The following EHD2 variants were observed in gnomAD, a reference collection of about 807,000 sequenced individuals.
EHD2 encodes the protein EH domain containing 2.
In EHD2, 27 loss-of-function variants were observed where a neutral mutation model predicts 41.0. The ratio of observed to expected loss-of-function variants is 0.66; its 90% CI spans 0.49 to 0.91. The LOEUF is 0.91. EHD2 is among the 40% of genes least tolerant of loss of function. The pLI is 0.00. For missense variants in EHD2, 673 were observed against 773.9 expected (o/e 0.87, Z 1.55); for synonymous variants, 342 against 341.0 (o/e 1.00, Z -0.03).
At chr19:47,721,911 G>A (rs1437967560) in intron 3 of EHD2, among the ~76,000 whole-genome samples, 1 of 151,862 alleles carries the variant, frequency 6.6e-6, no homozygotes, top group Non-Finnish European at 1.5e-5. Flanking sequence ...CTTGAACCCA[G>A]GAGGTGGAGG....
intron 2 of EHD2, among the ~76,000 whole-genome samples, chr19:47,717,923 A>C (rs1191263989): frequency 1.2e-4 from 18 of 150,606 alleles, no homozygotes; most frequent in African/African-American, 4.4e-4. Flanking sequence ...AAAAAAAAAA[A>C]AAAAGGGATC....
chr19:47,725,553 G>C (rs1973741852), intron 3 of EHD2, among the ~76,000 whole-genome samples: 1 of 152,206 alleles, frequency 6.6e-6, no homozygotes, highest in Non-Finnish European at 1.5e-5. Context: ...AAAGGAAAAG[G>C]GGGATGATTG....
At position 47,741,085 on chromosome 19, in the gene EHD2, G is replaced by C; in HGVS notation, c.1285G>C (p.Glu429Gln). The change falls in exon 6 of 6, where the codon GAG becomes CAG. Residue 429 changes from glutamate to glutamine, a missense_variant. Physicochemically the swap from Glu to Gln is conservative, Grantham distance 29. Coordinates refer to ENST00000263277, the MANE Select transcript of EHD2 (RefSeq NM_014601.4). The surrounding 1 kb of genome is among the most constrained non-coding windows in gnomAD (Gnocchi z 4.5). ...MGPFVERGPD[E>Q]AMEDGEEGSD... ...CCCGTTTGTGGAGCGGGGACCTGAC[G>C]AGGCCATGGAGGACGGCGAGGAGGG... The C allele has an allele frequency of 1.2e-6, 2 of 1,609,738 alleles. No homozygotes were observed. The highest frequency in any genetic ancestry group is 1.7e-6 in the Non-Finnish European group (2 of 1,179,526).
intron 2 of EHD2, 49 bp from the exon 3 acceptor site, chr19:47,718,460 C>T (rs1416138715): frequency 6.7e-7 from 1 of 1,488,796 alleles, no homozygotes; most frequent in East Asian, 2.5e-5. Flanking sequence ...TCGTGTTTTC[C>T]CTCCTTCTGT....
Position 47,726,025 on chromosome 19 carries a change from C to T in EHD2, c.716C>T (p.Ala239Val), listed in dbSNP as rs1973747850. 1.9e-6 allele frequency: 3 copies of T among 1,598,954 alleles called. No individual in the cohort carries two copies. The highest frequency in any genetic ancestry group is 2.6e-6 in the Non-Finnish European group (3 of 1,171,882). ...CGCGTCTACGGCGCGCTCATGTGGG[C>T]GCTGGGCAAGGTGGTGGGCACGCCC... The part of the protein sequence containing the change: ...LMRVYGALMW[A>V]LGKVVGTPEV... Residue 239 changes from alanine to valine, a missense_variant, in exon 4 of 6, where the codon GCG becomes GTG. Coordinates refer to ENST00000263277, the MANE Select transcript of EHD2 (RefSeq NM_014601.4).
chr19:47,740,477 C>T (rs1375422448), intron 5 of EHD2, among the ~76,000 whole-genome samples: 4 of 151,570 alleles, frequency 2.6e-5, no homozygotes, highest in East Asian at 2.0e-4. Context: ...TGGCTGGGCG[C>T]GGTGGCTCAT....
intron 3 of EHD2, among the ~76,000 whole-genome samples, chr19:47,722,583 G>A (rs1052101318): frequency 5.8e-5 from 6 of 103,336 alleles, no homozygotes; most frequent in African/African-American, 2.1e-4. Flanking sequence ...TTTTTTTTTT[G>A]AGACGGAGTT....
chr19:47,723,829 C>T (rs1211351441), intron 3 of EHD2, among the ~76,000 whole-genome samples: 1 of 151,828 alleles, frequency 6.6e-6, no homozygotes, highest in Non-Finnish European at 1.5e-5. Flanking sequence ...AGATGCATGC[C>T]AACATGTGTG....
At chr19:47,737,052 A>G (rs1966931020) in intron 5 of EHD2, among the ~76,000 whole-genome samples, 1 of 152,036 alleles carries the variant, frequency 6.6e-6, no homozygotes, top group Non-Finnish European at 1.5e-5. Flanking sequence ...TAACACGGTG[A>G]AACCCCGTCT....
intron 3 of EHD2, among the ~76,000 whole-genome samples, chr19:47,725,056 A>T (rs1472852954): frequency 2.7e-5 from 4 of 150,602 alleles, no homozygotes; most frequent in Non-Finnish European, 5.9e-5. Context: ...GCTATCCAGC[A>T]TGAACTCTAG....
intron 5 of EHD2, among the ~76,000 whole-genome samples, chr19:47,737,198 T>C (rs1466041288): frequency 8.1e-6 from 1 of 123,750 alleles, no homozygotes; most frequent in Non-Finnish European, 1.6e-5. Flanking sequence ...GCCACTTTAC[T>C]CCGGCCTAGG....
chr19:47,727,513 T>A (rs1162081189), intron 4 of EHD2, among the ~76,000 whole-genome samples: 2 of 152,110 alleles, frequency 1.3e-5, no homozygotes, highest in East Asian at 1.9e-4. Context: ...TTAATTAATT[T>A]ATTTATAAGC....
At chr19:47,728,575 T>C (rs191695680) in intron 4 of EHD2, among the ~76,000 whole-genome samples, 4,759 of 149,538 alleles carry the variant, frequency 0.032, 95 homozygotes, top group African/African-American at 0.051. Context: ...TTCTTTCTTT[T>C]TTTTTTTTTT....
Position 47,716,758 on chromosome 19 carries a change from C to T in EHD2, c.146C>T (p.Ala49Val), listed in dbSNP as rs1568587203. 4 of 1,613,366 alleles carry T rather than the reference C, an allele frequency of 2.5e-6. No homozygotes were observed. The South Asian group carries it at 3.3e-5, about 13-fold the overall frequency. The change falls in exon 2 of 6, where the codon GCC becomes GTC. Residue 49 changes from alanine to valine, a missense_variant. Physicochemically the swap from Ala to Val is moderately conservative, Grantham distance 64. Transcript: ENST00000263277. The part of the protein sequence containing the change: ...HYRFGAFHSP[A>V]LEDADFDGKP... The stretch of plus-strand genomic sequence containing the variant: ...CGCTTTGGGGCCTTCCACTCGCCGG[C>T]CCTGGAGGACGCAGACTTCGACGGC...
rs767834059 is a variant in EHD2 at position 47,741,060 on chromosome 19, C to T, written c.1260C>T (p.Gly420=). ...QGGAFEGTHM[G]PFVERGPDEA... ...GCGCTTTTGAGGGCACCCACATGGG[C>T]CCGTTTGTGGAGCGGGGACCTGACG... Residue 420 remains glycine (G), a synonymous_variant, in exon 6 of 6, where the codon GGC becomes GGT. Coordinates refer to ENST00000263277, the MANE Select transcript of EHD2 (RefSeq NM_014601.4). This position sits in a 1 kb window ranked among gnomAD's most constrained non-coding sequence, Gnocchi z 4.5. The T allele has an allele frequency of 1.7e-5, 27 of 1,609,494 alleles. No homozygotes were observed. The highest frequency in any genetic ancestry group is 1.5e-5 in the Non-Finnish European group (18 of 1,179,526).
intron 4 of EHD2, chr19:47,731,314 A>ATATACATATATATAT (rs1160770476): frequency 2.3e-4 from 26 of 113,942 alleles, no homozygotes; most frequent in Non-Finnish European, 4.1e-4. Context: ...ATATATATAT[A>ATATACATATATATAT]ATTTTTTTTT....
intron 4 of EHD2, among the ~76,000 whole-genome samples, chr19:47,727,217 G>A (rs976773454): frequency 1.3e-5 from 2 of 152,020 alleles, no homozygotes; most frequent in African/African-American, 4.8e-5. Context: ...CGATTCTCCT[G>A]CCTCAGCCTC....
chr19:47,728,861 C>T (rs761053957), intron 4 of EHD2, among the ~76,000 whole-genome samples: 6 of 152,260 alleles, frequency 3.9e-5, no homozygotes, highest in Non-Finnish European at 5.9e-5. Context: ...TAAGCCACCA[C>T]ACCCAGCCAA....
At chr19:47,721,048 T>G (rs1253975741) in intron 3 of EHD2, among the ~76,000 whole-genome samples, 1 of 152,124 alleles carries the variant, frequency 6.6e-6, no homozygotes, top group African/African-American at 2.4e-5. Context: ...TCACATTATC[T>G]TTGTGATTGT....
Sources: allele counts gnomAD v4.1 joint callset (sites outside exome capture counted in the v4.1 genomes callset), GRCh38; gene constraint gnomAD v4.1.1; non-coding constraint Gnocchi (gnomAD v3.1); transcripts MANE v1.5; gene names NCBI Gene and HGNC (gene_info 2026-07-23, HGNC 2026-07-21).